FOXB1: variants seen among roughly 807,000 people sequenced by gnomAD.
FOXB1 encodes the protein forkhead box protein B1.
FOXB1 carries 6 observed loss-of-function variants against 18.6 expected under a neutral mutation model. The observed-to-expected ratio is 0.32, with a 90% CI of 0.18 to 0.64. The LOEUF (loss-of-function observed/expected upper bound fraction) is 0.64, where lower values mean the gene tolerates loss of function less well. Ranked by LOEUF, FOXB1 falls within the 30% of genes least tolerant of loss-of-function variation. The pLI, the probability that FOXB1 is intolerant of heterozygous loss-of-function variation, is 0.78. For synonymous variants in FOXB1, 213 were observed against 216.0 expected, an observed-to-expected ratio of 0.99 and a Z score of 0.12; for missense variants, 419 against 463.6, an observed-to-expected ratio of 0.90 and a Z score of 0.88.
In FOXB1 at chr15:60,005,900, A is replaced by G; in HGVS notation, c.937A>G (p.Thr313Ala). The change falls in exon 2 of 2, where the codon ACC becomes GCC. Residue 313 changes from threonine to alanine, a missense_variant. Thr to Ala is a moderately conservative substitution (Grantham distance 58, BLOSUM62 0). Transcript: ENST00000396057. The surrounding 1 kb of genome is among the most constrained non-coding windows in gnomAD (Gnocchi z 9.8). ...CCCCGCCACCCCCAGCGAAACGCTC[A>G]CCAGCCCGGCCTCCGCCTTGCACTC... is the stretch of plus-strand genomic sequence containing the variant. ...SSPATPSETL[T>A]SPASALHSVA... 1 of 1,594,984 alleles carries G rather than the reference A, an allele frequency of 6.3e-7. No homozygotes were observed. The highest frequency in any genetic ancestry group is 1.3e-5 in the African/African-American group (1 of 74,420).
rs1404044268 is a variant in FOXB1 at position 60,005,990 on chromosome 15, C to T, written c.*49C>T. On this transcript the variant is annotated 3_prime_UTR_variant, in exon 2 of 2. Transcript: ENST00000396057. This position sits in a 1 kb window ranked among gnomAD's most constrained non-coding sequence, Gnocchi z 9.8. ...TCGTTCTCCTCCCCACCACCTCACT[C>T]GCCTTCCCTGGCTCCCAGTCCTGCC... 3.3e-6 allele frequency: 5 copies of T among 1,508,936 alleles called. No homozygotes were observed. The highest frequency in any genetic ancestry group is 4.4e-6 in the Non-Finnish European group (5 of 1,130,882). 93.5% of individuals were successfully genotyped at this position (1,508,936 alleles called of 1,614,324 possible). A position where few individuals can be genotyped will look rare whatever the true frequency, so the allele number is the denominator to read the frequency against.
rs1162650522 is a variant in FOXB1, at chr15:60,004,979, C to T, written c.16C>T (p.Arg6Cys). 6.2e-7 allele frequency: 1 copy of T among 1,611,858 alleles called. No homozygotes were observed. Among genetic ancestry groups the T allele is most frequent in the African/African-American group, 1.3e-5 (1 of 74,836 alleles). MPRPGRNTYSDQKPPY... is the reference protein window; with the variant it reads MPRPGCNTYSDQKPPY... ...GAGGAAGAAGATGCCTCGGCCCGGC[C>T]GCAACACGTACAGCGACCAGAAGCC... The change falls in exon 2 of 2, where the codon CGC (arginine) becomes TGC (cysteine). Residue 6 changes from arginine (R) to cysteine (C), a missense_variant. Arg to Cys is a radical substitution (Grantham distance 180). Around this residue, in one of 3 missense-constraint regions of FOXB1, gnomAD observed 153 missense variants for 173.8 expected, o/e 0.88. Coordinates refer to ENST00000396057, the MANE Select transcript of FOXB1 (RefSeq NM_012182.3).
At position 60,005,715 on chromosome 15, in the gene FOXB1, C is replaced by A. The variant is rs762420427; in HGVS notation, c.752C>A (p.Ala251Glu). Residue 251 changes from alanine (A) to glutamate (E), a missense_variant, in exon 2 of 2, where the codon GCG (alanine) becomes GAG (glutamate). Ala to Glu is a moderately radical substitution (Grantham distance 107). This residue lies in a region of FOXB1 where 195 missense variants were observed against 179.8 expected (regional missense o/e 1.08). Coordinates refer to ENST00000396057, the MANE Select transcript of FOXB1 (RefSeq NM_012182.3). The surrounding 1 kb of genome is among the most constrained non-coding windows in gnomAD (Gnocchi z 9.8). ...GTGCCGTTGAAGCCGCTGTGCCACG[C>A]GGCGGGCCAAACGCTGCCCGCCATC... ...YGVPLKPLCH[A>E]AGQTLPAIPV... 13 of 1,603,576 alleles carry A rather than the reference C, an allele frequency of 8.1e-6. No individual in the cohort carries two copies. Among genetic ancestry groups the A allele is most frequent in the Admixed American group, 1.7e-5 (1 of 59,724 alleles).
intron 1 of FOXB1, 66 bp downstream of exon 1, chr15:60,004,709 A>G (rs920438803): frequency 2.1e-5 from 8 of 383,120 alleles, no homozygotes; most frequent in East Asian, 1.1e-4. Context: ...CTTCCCGGCT[A>G]TCCTCGCGCC....
chr15:60,004,663 G>C lies in FOXB1; in HGVS notation c.-58+20G>C, dbSNP rs1892067966. 1 of 406,944 alleles carries C rather than the reference G, an allele frequency of 2.5e-6. No homozygotes were observed. Among genetic ancestry groups the C allele is most frequent in the South Asian group, 3.8e-5 (1 of 26,376 alleles). 25.2% of individuals were successfully genotyped at this position (406,944 alleles called of 1,614,324 possible). A position where few individuals can be genotyped will look rare whatever the true frequency, so the allele number is the denominator to read the frequency against. ...TTTAAGGTGAGCAGCTCTCTGTTCC[G>C]TCCCTGCCCCCTATTCTGGCCCCAG... On this transcript the variant is annotated intron_variant, in intron 1 of 1. Transcript: ENST00000396057.
In FOXB1 at chr15:60,005,233, C is replaced by T. The variant is rs1892077866; in HGVS notation, c.270C>T (p.His90=). 2.5e-6 allele frequency: 4 copies of T among 1,614,190 alleles called. No individual in the cohort carries two copies. The highest frequency in any genetic ancestry group is 2.7e-5 in the African/African-American group (2 of 75,080). Reference sequence around the variant, plus strand: ...GCAAGGGCAGCTTCTGGGCGCTGCACCCAAGCTGCGGGGACATGTTCGAGA... The same window carrying T: ...GCAAGGGCAGCTTCTGGGCGCTGCATCCAAGCTGCGGGGACATGTTCGAGA... ...QPGKGSFWAL[H]PSCGDMFENG... The change falls in exon 2 of 2, where the codon CAC becomes CAT. Residue 90 remains histidine (H), a synonymous_variant. Transcript: ENST00000396057. This position sits in a 1 kb window ranked among gnomAD's most constrained non-coding sequence, Gnocchi z 9.8.
Position 60,005,464 on chromosome 15 carries a change from G to A in FOXB1, c.501G>A (p.Lys167=), listed in dbSNP as rs776988556. Reference sequence around the variant, plus strand: ...GCGTGGCGCAGCCCTCGGGCTTCAAGCACCCCTTCGCCATCGAGAACATCA... The same window carrying A: ...GCGTGGCGCAGCCCTCGGGCTTCAAACACCCCTTCGCCATCGAGAACATCA... The part of the protein sequence containing the change: ...LGGVAQPSGF[K]HPFAIENIIA... The change falls in exon 2 of 2, where the codon AAG becomes AAA. Residue 167 remains lysine (K), a synonymous_variant. Coordinates refer to ENST00000396057, the MANE Select transcript of FOXB1 (RefSeq NM_012182.3). The surrounding 1 kb of genome is among the most constrained non-coding windows in gnomAD (Gnocchi z 9.8). 18 of 1,611,732 alleles carry A rather than the reference G, an allele frequency of 1.1e-5. No homozygotes were observed. Among genetic ancestry groups the A allele is most frequent in the Non-Finnish European group, 1.4e-5 (17 of 1,179,616 alleles).
rs761578782 is a variant in FOXB1 at position 60,005,713 on chromosome 15, C to T, written c.750C>T (p.His250=). ...AYGVPLKPLC[H]AAGQTLPAIP... ...GCGTGCCGTTGAAGCCGCTGTGCCA[C>T]GCGGCGGGCCAAACGCTGCCCGCCA... Residue 250 remains histidine, a synonymous_variant, in exon 2 of 2, where the codon CAC becomes CAT. Coordinates refer to ENST00000396057, the MANE Select transcript of FOXB1 (RefSeq NM_012182.3). This position sits in a 1 kb window ranked among gnomAD's most constrained non-coding sequence, Gnocchi z 9.8. The T allele has an allele frequency of 9.4e-6, 15 of 1,603,880 alleles. No homozygotes were observed. Among genetic ancestry groups the T allele is most frequent in the Non-Finnish European group, 1.3e-5 (15 of 1,178,486 alleles).
chr15:60,006,771 A>T lies in FOXB1; in HGVS notation c.*830A>T, dbSNP rs954976694. On this transcript the variant is annotated 3_prime_UTR_variant, in exon 2 of 2. Coordinates refer to ENST00000396057, the MANE Select transcript of FOXB1 (RefSeq NM_012182.3). ...CGGACGAACGGGCAAAGCCCACATT[A>T]TAAGTACCTGTTGTAATGTGAATGT... 6.6e-6 allele frequency: 1 copy of T among 152,214 alleles called. No individual in the cohort carries two copies. The highest frequency in any genetic ancestry group is 2.4e-5 in the African/African-American group (1 of 41,454). 9.4% of individuals were successfully genotyped at this position (152,214 alleles called of 1,614,324 possible). A position where few individuals can be genotyped will look rare whatever the true frequency, so the allele number is the denominator to read the frequency against.
rs746405551 is a variant in FOXB1, at chr15:60,005,782, G to A, written c.819G>A (p.Leu273=). 11 of 1,603,302 alleles carry A rather than the reference G, an allele frequency of 6.9e-6. 1 individual carries two copies. The South Asian group carries it at 9.9e-5, about 15-fold the overall frequency. ...CCACGCCGGCCGCCGTGCCCGCGCT[G>A]CCTGCGCTGCCAGCGCCCATCCCCA... ...IKPTPAAVPA[L]PALPAPIPTL... The change falls in exon 2 of 2, where the codon CTG becomes CTA. Residue 273 remains leucine, a synonymous_variant. Transcript: ENST00000396057. This position sits in a 1 kb window ranked among gnomAD's most constrained non-coding sequence, Gnocchi z 9.8.
Position 60,005,283 on chromosome 15 carries a change from A to G in FOXB1, c.320A>G (p.Lys107Arg). The stretch of plus-strand genomic sequence containing the variant: ...AACGGCAGCTTCCTGCGGCGCCGCA[A>G]GCGCTTCAAGGTGCTTAAGTCCGAC... Reference protein sequence around the residue: ...FENGSFLRRRKRFKVLKSDHL... With the variant: ...FENGSFLRRRRRFKVLKSDHL... The change falls in exon 2 of 2, where the codon AAG (lysine) becomes AGG (arginine). Residue 107 changes from lysine to arginine, a missense_variant. By Grantham distance (26) the Lys-to-Arg change is conservative (BLOSUM62 2). Transcript: ENST00000396057. This position sits in a 1 kb window ranked among gnomAD's most constrained non-coding sequence, Gnocchi z 9.8. The G allele has an allele frequency of 6.2e-7, 1 of 1,613,514 alleles. No individual in the cohort carries two copies. Among genetic ancestry groups the G allele is most frequent in the Non-Finnish European group, 8.5e-7 (1 of 1,179,934 alleles).
Position 60,006,007 on chromosome 15 carries a change from A to G in FOXB1, c.*66A>G. 1 of 1,476,050 alleles carries G rather than the reference A, an allele frequency of 6.8e-7. No homozygotes were observed. The highest frequency in any genetic ancestry group is 2.5e-5 in the East Asian group (1 of 39,828). 91.4% of individuals were successfully genotyped at this position (1,476,050 alleles called of 1,614,324 possible). ...ACCTCACTCGCCTTCCCTGGCTCCC[A>G]GTCCTGCCGGCCCCCACCTGGGACC... On this transcript the variant is annotated 3_prime_UTR_variant, in exon 2 of 2. Coordinates refer to ENST00000396057, the MANE Select transcript of FOXB1 (RefSeq NM_012182.3).
chr15:60,005,203 G>C lies in FOXB1; in HGVS notation c.240G>C (p.Gln80His). 1 of 1,614,198 alleles carries C rather than the reference G, an allele frequency of 6.2e-7. No individual in the cohort carries two copies. The highest frequency in any genetic ancestry group is 1.3e-5 in the African/African-American group (1 of 75,074). Residue 80 changes from glutamine to histidine, a missense_variant, in exon 2 of 2, where the codon CAG becomes CAC. Coordinates refer to ENST00000396057, the MANE Select transcript of FOXB1 (RefSeq NM_012182.3). The surrounding 1 kb of genome is among the most constrained non-coding windows in gnomAD (Gnocchi z 9.8). ...TCAAGATCCCGCGGCGGCCGGACCA[G>C]CCAGGCAAGGGCAGCTTCTGGGCGC... ...CFIKIPRRPD[Q>H]PGKGSFWALH...
At position 60,005,247 on chromosome 15, in the gene FOXB1, A is replaced by G. The variant is rs1892078183; in HGVS notation, c.284A>G (p.Asp95Gly). ...SFWALHPSCG[D>G]MFENGSFLRR... is the part of the protein sequence containing the mutation. The stretch of plus-strand genomic sequence containing the variant: ...TGGGCGCTGCACCCAAGCTGCGGGG[A>G]CATGTTCGAGAACGGCAGCTTCCTG... Residue 95 changes from aspartate to glycine, a missense_variant, in exon 2 of 2, where the codon GAC becomes GGC. Coordinates refer to ENST00000396057, the MANE Select transcript of FOXB1 (RefSeq NM_012182.3). This position sits in a 1 kb window ranked among gnomAD's most constrained non-coding sequence, Gnocchi z 9.8. 1 of 1,613,910 alleles carries G rather than the reference A, an allele frequency of 6.2e-7. No individual in the cohort carries two copies. Among genetic ancestry groups the G allele is most frequent in the African/African-American group, 1.3e-5 (1 of 74,924 alleles).
rs757496885 is a variant in FOXB1, at chr15:60,005,335, C to G, written c.372C>G (p.Asp124Glu). Residue 124 changes from aspartate (D) to glutamate (E), a missense_variant, in exon 2 of 2, where the codon GAC becomes GAG. By Grantham distance (45) the Asp-to-Glu change is conservative (BLOSUM62 2). This residue lies in a region of FOXB1 where 153 missense variants were observed against 173.8 expected (regional missense o/e 0.88). Coordinates refer to ENST00000396057, the MANE Select transcript of FOXB1 (RefSeq NM_012182.3). This position sits in a 1 kb window ranked among gnomAD's most constrained non-coding sequence, Gnocchi z 9.8. ...ACCTGGCGCCCAGCAAGCCAGCCGA[C>G]GCGGCGCAGTACCTGCAGCAGCAGG... is the stretch of plus-strand genomic sequence containing the variant. The part of the protein sequence containing the change: ...SDHLAPSKPA[D>E]AAQYLQQQAK... 1 of 1,610,550 alleles carries G rather than the reference C, an allele frequency of 6.2e-7. No homozygotes were observed. Among genetic ancestry groups the G allele is most frequent in the Non-Finnish European group, 8.5e-7 (1 of 1,179,304 alleles).
chr15:60,004,975 C>A lies in FOXB1; in HGVS notation c.12C>A (p.Pro4=), dbSNP rs751979966. MPR[P]GRNTYSDQKP... Reference sequence around the variant, plus strand: ...GGGCGAGGAAGAAGATGCCTCGGCCCGGCCGCAACACGTACAGCGACCAGA... The same window carrying A: ...GGGCGAGGAAGAAGATGCCTCGGCCAGGCCGCAACACGTACAGCGACCAGA... The change falls in exon 2 of 2, where the codon CCC becomes CCA. Residue 4 remains proline, a synonymous_variant. Coordinates refer to ENST00000396057, the MANE Select transcript of FOXB1 (RefSeq NM_012182.3). 1 of 1,611,356 alleles carries A rather than the reference C, an allele frequency of 6.2e-7. No individual in the cohort carries two copies. Among genetic ancestry groups the A allele is most frequent in the Non-Finnish European group, 8.5e-7 (1 of 1,178,330 alleles).
Position 60,005,122 on chromosome 15 carries a change from C to T in FOXB1, c.159C>T (p.Asn53=), listed in dbSNP as rs747650499. 1 of 1,614,196 alleles carries T rather than the reference C, an allele frequency of 6.2e-7. No individual in the cohort carries two copies. Among genetic ancestry groups the T allele is most frequent in the East Asian group, 2.2e-5 (1 of 44,886 alleles). Residue 53 remains asparagine, a synonymous_variant, in exon 2 of 2, where the codon AAC becomes AAT. Transcript: ENST00000396057. The surrounding 1 kb of genome is among the most constrained non-coding windows in gnomAD (Gnocchi z 9.8). ...ACCGCTTCCCCTACTACAGGGAGAA[C>T]ACGCAGCGCTGGCAGAACAGTCTGC... ...IMDRFPYYRE[N]TQRWQNSLRH... is the part of the protein sequence containing the mutation.
chr15:60,005,596 G>A lies in FOXB1; in HGVS notation c.633G>A (p.Leu211=), dbSNP rs925761117. 7.5e-6 allele frequency: 12 copies of A among 1,607,356 alleles called. No individual in the cohort carries two copies. Among genetic ancestry groups the A allele is most frequent in the Admixed American group, 1.7e-5 (1 of 59,470 alleles). Residue 211 remains leucine (L), a synonymous_variant, in exon 2 of 2, where the codon CTG becomes CTA. Transcript: ENST00000396057. This position sits in a 1 kb window ranked among gnomAD's most constrained non-coding sequence, Gnocchi z 9.8. Reference sequence around the variant, plus strand: ...AGTTGACTACCATGGGCAGCTCGCTGGGCACCGGCTGGCCACACGTGTATG... The same window carrying A: ...AGTTGACTACCATGGGCAGCTCGCTAGGCACCGGCTGGCCACACGTGTATG... ...PNQLTTMGSS[L]GTGWPHVYGS... is the part of the protein sequence containing the mutation.
rs1451269768 is a variant in FOXB1 at position 60,005,779 on chromosome 15, G to A, written c.816G>A (p.Ala272=). The change falls in exon 2 of 2, where the codon GCG becomes GCA. Residue 272 remains alanine (A), a synonymous_variant. Transcript: ENST00000396057. This position sits in a 1 kb window ranked among gnomAD's most constrained non-coding sequence, Gnocchi z 9.8. ...PIKPTPAAVP[A]LPALPAPIPT... ...AGCCCACGCCGGCCGCCGTGCCCGC[G>A]CTGCCTGCGCTGCCAGCGCCCATCC... 1 of 1,602,294 alleles carries A rather than the reference G, an allele frequency of 6.2e-7. No homozygotes were observed. Among genetic ancestry groups the A allele is most frequent in the Non-Finnish European group, 8.5e-7 (1 of 1,176,908 alleles).
Sources: allele counts gnomAD v4.1 joint callset, GRCh38; gene constraint gnomAD v4.1.1; regional missense constraint gnomAD v4.1.1; non-coding constraint Gnocchi (gnomAD v3.1); transcripts MANE v1.5; gene names NCBI Gene and HGNC (gene_info 2026-07-23, HGNC 2026-07-21).